WDR18: variants seen among roughly 807,000 people sequenced by gnomAD.
WDR18 encodes the protein WD repeat domain 18.
In WDR18, 33 loss-of-function variants were observed where a neutral mutation model predicts 49.6. The observed-to-expected ratio is 0.67, with a 90% CI of 0.50 to 0.89. The LOEUF (loss-of-function observed/expected upper bound fraction) is 0.89. Among genes scored for constraint, WDR18 ranks in the 40% least tolerant of loss-of-function variants. WDR18 has a pLI of 0.00. For synonymous variants in WDR18, 315 were observed against 263.6 expected (o/e 1.19, Z -1.89); for missense variants, 653 against 593.6 (o/e 1.10, Z -1.04).
intron 2 of WDR18, among the ~76,000 whole-genome samples, chr19:986,613 C>T (rs2038478268): frequency 6.6e-6 from 1 of 152,186 alleles, no homozygotes; most frequent in South Asian, 2.1e-4. Context: ...GTGACAGCAA[C>T]TCCTAGACAC....
Position 989,861 on chromosome 19 carries a change from A to G in WDR18, c.421A>G (p.Lys141Glu). Residue 141 changes from lysine to glutamate, a missense_variant, in exon 3 of 10, where the codon AAG (lysine) becomes GAG (glutamate). Transcript: ENST00000585809. ...CAGCAGCCACTTCATCTCAGGGGGCAAGGACTGCCTGGTGCTGGTTTGGAG... is the reference window on the plus strand; with the variant it reads ...CAGCAGCCACTTCATCTCAGGGGGCGAGGACTGCCTGGTGCTGGTTTGGAG... ...GDSSHFISGGKDCLVLVWSLC... is the reference protein window; with the variant it reads ...GDSSHFISGGEDCLVLVWSLC... 6.2e-7 allele frequency: 1 copy of G among 1,612,354 alleles called. No individual in the cohort carries two copies. The highest frequency in any genetic ancestry group is 8.5e-7 in the Non-Finnish European group (1 of 1,179,616).
chr19:991,321 A>T lies in WDR18; in HGVS notation c.901A>T (p.Lys301Ter). ...CGTGCGCCTCTGGGACGTGCAGAGC[A>T]AGCAGTGCATCCGGACGGTGGCCCT... is the stretch of plus-strand genomic sequence containing the variant. ...ETVRLWDVQS[K>*]QCIRTVALKG... The change falls in exon 7 of 10, where the codon AAG (lysine) becomes TAG (stop). Residue 301 changes from lysine to a stop codon, truncating the protein, a stop_gained. Coordinates refer to ENST00000585809, the MANE Select transcript of WDR18 (RefSeq NM_024100.4). LOFTEE classifies it high-confidence loss of function. 1.9e-6 allele frequency: 3 copies of T among 1,558,692 alleles called. No individual in the cohort carries two copies. The highest frequency in any genetic ancestry group is 2.6e-6 in the Non-Finnish European group (3 of 1,151,630).
chr19:990,020 T>C (rs1055520075), intron 3 of WDR18, 125 bp downstream of exon 3: 1 of 1,455,168 alleles, frequency 6.9e-7, no homozygotes, highest in Non-Finnish European at 9.1e-7. Context: ...GAGGACGGAG[T>C]GATCATCCCA....
intron 4 of WDR18, 150 bp downstream of exon 4, chr19:990,514 C>A (rs755344008): frequency 8.4e-7 from 1 of 1,189,314 alleles, no homozygotes; most frequent in South Asian, 1.8e-5. Context: ...CCAAGGACGT[C>A]CAGGGAGGTC....
At chr19:991,175 C>T (rs1391547513) in intron 6 of WDR18, 30 bp downstream of exon 6, 1 of 1,510,732 alleles carries the variant, frequency 6.6e-7, no homozygotes, top group Non-Finnish European at 8.8e-7. Flanking sequence ...GCGGGGGCTC[C>T]CAGGCACGTC....
intron 1 of WDR18, 80 bp from the exon 2 acceptor site, chr19:985,785 G>C: frequency 7.2e-7 from 1 of 1,380,242 alleles, no homozygotes; most frequent in Non-Finnish European, 1.0e-6. Flanking sequence ...TTGCCCAGGC[G>C]TCCCCTCCCC....
intron 3 of WDR18, 81 bp from the exon 4 acceptor site, chr19:990,142 G>T: frequency 6.8e-7 from 1 of 1,466,426 alleles, no homozygotes; most frequent in East Asian, 2.4e-5. Context: ...GCAGGTGTGT[G>T]CGTGAGGTGG....
rs200112941 is a variant in WDR18, at chr19:992,034, C to T, written c.1011C>T (p.Pro337=). ...ACTTCAGGCCCAGCCTGCCGCTGCC[C>T]CACTTCAACAAGCACCTGCTGGGCG... is the stretch of plus-strand genomic sequence containing the variant. ...SSDFRPSLPL[P]HFNKHLLGAE... The change falls in exon 8 of 10, where the codon CCC becomes CCT. Residue 337 remains proline, a synonymous_variant. Transcript: ENST00000585809. 6.3e-5 allele frequency: 100 copies of T among 1,593,060 alleles called. No individual in the cohort carries two copies. The highest frequency in any genetic ancestry group is 5.1e-4 in the East Asian group (22 of 43,284).
chr19:994,028 G>A lies in WDR18; in HGVS notation c.1107G>A (p.Glu369=). 6.4e-7 allele frequency: 1 copy of A among 1,555,758 alleles called. No homozygotes were observed. Among genetic ancestry groups the A allele is most frequent in the Non-Finnish European group, 8.7e-7 (1 of 1,150,638 alleles). The stretch of plus-strand genomic sequence containing the variant: ...GGCTCCCTGTGTTACAGGGCTCGGA[G>A]CCCAGCTACCTGGACCGCACGGAGC... ...LRLGLHQQGS[E]PSYLDRTEQL... Residue 369 remains glutamate, a synonymous_variant, in exon 9 of 10, where the codon GAG becomes GAA. Coordinates refer to ENST00000585809, the MANE Select transcript of WDR18 (RefSeq NM_024100.4).
intron 2 of WDR18, among the ~76,000 whole-genome samples, chr19:988,648 G>A (rs928639907): frequency 3.3e-5 from 5 of 152,192 alleles, no homozygotes; most frequent in South Asian, 2.1e-4. Flanking sequence ...GAGGCCAGAC[G>A]TCCTAAATCA....
intron 2 of WDR18, among the ~76,000 whole-genome samples, chr19:989,542 C>T (rs562231024): frequency 6.6e-6 from 1 of 152,164 alleles, no homozygotes; most frequent in African/African-American, 2.4e-5. Context: ...GGGGACGAGG[C>T]GGGAACAGGT....
chr19:991,837 T>C (rs1331671554), intron 7 of WDR18, 118 bp from the exon 8 acceptor site: 8 of 1,047,620 alleles, frequency 7.6e-6, no homozygotes, highest in East Asian at 4.7e-5. Flanking sequence ...GGGCGTGGAC[T>C]GGCTGTGGGG....
chr19:983,999 T>C (rs1186105984), upstream of WDR18, among the ~76,000 whole-genome samples: 15 of 152,192 alleles, frequency 9.9e-5, no homozygotes, highest in Admixed American at 9.8e-4. Flanking sequence ...GTCGGAACTT[T>C]ATTATTTGAA....
At chr19:992,898 G>A (rs74546774) in intron 8 of WDR18, among the ~76,000 whole-genome samples, 7 of 152,214 alleles carry the variant, frequency 4.6e-5, no homozygotes, top group African/African-American at 1.4e-4. Flanking sequence ...CTCCCCACGC[G>A]CCCTCTTCTT....
intron 8 of WDR18, 83 bp from the exon 9 acceptor site, chr19:993,937 C>G (rs1412186094): frequency 2.6e-5 from 38 of 1,482,554 alleles, no homozygotes; most frequent in Non-Finnish European, 3.3e-5. Context: ...GAGTGGCTGC[C>G]CACGCTGGCG....
intron 2 of WDR18, among the ~76,000 whole-genome samples, chr19:987,829 GTTTTT>G (rs71174337): frequency 5.7e-4 from 52 of 91,806 alleles, no homozygotes; most frequent in East Asian, 7.3e-4. Flanking sequence ...GCCGCCTCCA[GTTTTT>G]TTTTTTTTTT....
upstream of WDR18, among the ~76,000 whole-genome samples, chr19:982,942 G>A (rs978819172): frequency 6.6e-6 from 1 of 152,136 alleles, no homozygotes; most frequent in Non-Finnish European, 1.5e-5. Flanking sequence ...TGCCCCGGCC[G>A]TGCCCTCCGC....
At chr19:984,177 C>G (rs1599442388), upstream of WDR18, 7 of 674,956 alleles carry the variant, frequency 1.0e-5, no homozygotes, top group East Asian at 2.4e-4. Context: ...GCGCGACCCT[C>G]GAGTCTCAGG....
In WDR18 at chr19:994,065, G is replaced by A. The variant is rs779520543; in HGVS notation, c.1144G>A (p.Val382Ile). 1.0e-4 allele frequency: 156 copies of A among 1,560,206 alleles called. No homozygotes were observed. Among genetic ancestry groups the A allele is most frequent in the Non-Finnish European group, 1.2e-4 (142 of 1,153,674 alleles). ...GGACCGCACGGAGCAGCTGCAGGCC[G>A]TCCTGTGCAGCACCATGGAGAAGGT... is the stretch of plus-strand genomic sequence containing the variant. ...YLDRTEQLQA[V>I]LCSTMEKSVL... Residue 382 changes from valine to isoleucine, a missense_variant, in exon 9 of 10, where the codon GTC (valine) becomes ATC (isoleucine). Transcript: ENST00000585809.
Sources: gnomAD v4.1 joint callset for allele counts (sites outside exome capture counted in the v4.1 genomes callset) on GRCh38, gnomAD v4.1.1 for gene constraint, MANE v1.5 for transcripts, NCBI Gene and HGNC (gene_info 2026-07-23, HGNC 2026-07-21) for gene names.